SNCB: variants seen among roughly 807,000 people sequenced by gnomAD.
The protein encoded by SNCB is beta-synuclein.
SNCB carries 8 observed loss-of-function variants against 20.0 expected under a neutral mutation model. That is an observed-to-expected ratio of 0.40 (90% CI 0.24 to 0.72). The LOEUF is 0.72. SNCB is among the 30% of genes least tolerant of loss of function. The probability of loss-of-function intolerance (pLI) is 0.37; values close to 1 mark genes in which losing one functional copy is unlikely to be tolerated. For missense variants in SNCB, 125 were observed against 168.0 expected, an observed-to-expected ratio of 0.74 and a Z score of 1.41; for synonymous variants, 56 against 65.4, an observed-to-expected ratio of 0.86 and a Z score of 0.69.
chr5:176,621,331 G>A lies in SNCB; in HGVS notation c.283-28C>T. ...GTGGGCAGAAAAGGTCAGGACTCGT[G>A]AGGACAGCCAGGATGCCCCCCAAAT... On this transcript the variant is annotated intron_variant, in intron 4 of 5. Transcript: ENST00000393693. The surrounding 1 kb of genome is among the most constrained non-coding windows in gnomAD (Gnocchi z 4.1). The A allele has an allele frequency of 1.3e-6, 2 of 1,590,476 alleles. No individual in the cohort carries two copies. Among genetic ancestry groups the A allele is most frequent in the Non-Finnish European group, 8.6e-7 (1 of 1,163,294 alleles).
chr5:176,626,686 G>C lies in SNCB; in HGVS notation c.163+34C>G, dbSNP rs1196941813. 1 of 1,611,774 alleles carries C rather than the reference G, an allele frequency of 6.2e-7. No individual in the cohort carries two copies. On this transcript the variant is annotated intron_variant, in intron 3 of 5. Transcript: ENST00000393693. This position sits in a 1 kb window ranked among gnomAD's most constrained non-coding sequence, Gnocchi z 4.2. ...TCCCGGCCAGATCATCCGCCTAAGT[G>C]AGAGAAGGGCTGGTGCCAGGGCTGG...
chr5:176,626,043 A>T lies in SNCB; in HGVS notation c.282+355T>A, dbSNP rs1244440519. 6.6e-6 allele frequency among the ~76,000 whole-genome samples: 1 copy of T among 152,102 alleles called. No homozygotes were observed. Among genetic ancestry groups the T allele is most frequent in the Non-Finnish European group, 1.5e-5 (1 of 68,024 alleles). On this transcript the variant is annotated intron_variant, in intron 4 of 5. Transcript: ENST00000393693. The surrounding 1 kb of genome is among the most constrained non-coding windows in gnomAD (Gnocchi z 4.2). ...TATTCACTGCGGCAGCCTCTACAAC[A>T]ATTCCTCTCTGGCATGGATATTTGT...
At chr5:176,623,954 G>A (rs142447588) in intron 4 of SNCB, among the ~76,000 whole-genome samples, 4 of 152,314 alleles carry the variant, frequency 2.6e-5, no homozygotes, top group African/African-American at 9.6e-5. Flanking sequence ...TGAGGATTCC[G>A]TGATGATGGA....
In SNCB at chr5:176,630,269, G is replaced by GAT. The variant is rs1760302821; in HGVS notation, c.-10+10_-10+11insAT. The GAT allele has an allele frequency of 6.6e-6, 1 of 152,402 alleles. No homozygotes were observed. Among genetic ancestry groups the GAT allele is most frequent in the Non-Finnish European group, 1.5e-5 (1 of 68,190 alleles). The allele number at this position is 152,402 out of a possible 1,614,324, so 9.4% of individuals were successfully genotyped here. ...ATCCCGTTCCCCATCCCCGGCGCGC[G>GAT]GCCGCCTCACCTGGATGCGGGGCCG... On this transcript the variant is annotated intron_variant, in intron 1 of 5. Transcript: ENST00000393693.
chr5:176,622,989 G>A (rs776135911), intron 4 of SNCB, among the ~76,000 whole-genome samples: 5 of 151,698 alleles, frequency 3.3e-5, no homozygotes, highest in Non-Finnish European at 7.4e-5. Flanking sequence ...TGCCCACCTC[G>A]GCCTCATGCC....
In SNCB at chr5:176,621,309, G is replaced by A. The variant is rs914694598; in HGVS notation, c.283-6C>T. 2 of 1,611,392 alleles carry A rather than the reference G, an allele frequency of 1.2e-6. No homozygotes were observed. The highest frequency in any genetic ancestry group is 1.7e-6 in the Non-Finnish European group (2 of 1,178,724). On this transcript the variant is annotated splice_polypyrimidine_tract_variant and splice_region_variant and intron_variant, in intron 4 of 5. Transcript: ENST00000393693. The surrounding 1 kb of genome is among the most constrained non-coding windows in gnomAD (Gnocchi z 4.1). ...TCCTGGGCCACTTCCTCTGGCTGTG[G>A]GCAGAAAAGGTCAGGACTCGTGAGG...
rs1759560263 is a variant in SNCB at position 176,621,084 on chromosome 5, T to C, written c.372+130A>G. On this transcript the variant is annotated intron_variant, in intron 5 of 5. Coordinates refer to ENST00000393693, the MANE Select transcript of SNCB (RefSeq NM_003085.5). The surrounding 1 kb of genome is among the most constrained non-coding windows in gnomAD (Gnocchi z 4.1). ...CTCCCTGCTCCCACCTCCTGGGGCC[T>C]GGGTTCTAGAAGAGGGATGTCAAGC... is the stretch of plus-strand genomic sequence containing the variant. The C allele has an allele frequency of 2.4e-6, 2 of 832,600 alleles. No individual in the cohort carries two copies. The highest frequency in any genetic ancestry group is 2.6e-5 in the East Asian group (1 of 37,768). The allele number at this position is 832,600 out of a possible 1,614,324, so 51.6% of individuals were successfully genotyped here. A position where few individuals can be genotyped will look rare whatever the true frequency, so the allele number is the denominator to read the frequency against.
intron 2 of SNCB, among the ~76,000 whole-genome samples, chr5:176,627,958 G>A (rs1362600812): frequency 6.6e-6 from 1 of 152,196 alleles, no homozygotes; most frequent in Non-Finnish European, 1.5e-5. Flanking sequence ...GGGAACAGAT[G>A]GACATCAGAA....
rs1341829055 is a variant in SNCB, at chr5:176,621,713, G to A, written c.283-410C>T. 1.3e-5 allele frequency among the ~76,000 whole-genome samples: 2 copies of A among 152,224 alleles called. No homozygotes were observed. The highest frequency in any genetic ancestry group is 4.8e-5 in the African/African-American group (2 of 41,452). On this transcript the variant is annotated intron_variant, in intron 4 of 5. Transcript: ENST00000393693. The surrounding 1 kb of genome is among the most constrained non-coding windows in gnomAD (Gnocchi z 4.1). Reference sequence around the variant, plus strand: ...AGGCTCAGGGACAGGGCTGGGCAGGGGCTCTGAGCCATTCCCCCGCCACCT... The same window carrying A: ...AGGCTCAGGGACAGGGCTGGGCAGGAGCTCTGAGCCATTCCCCCGCCACCT...
At position 176,626,854 on chromosome 5, in the gene SNCB, C is replaced by A. The variant is rs1040954487; in HGVS notation, c.122-93G>T. ...GGTGATTACAGAGTGGGCATCCTGG[C>A]CCCGTCACTGCCTCCTTGGGTCCCC... On this transcript the variant is annotated intron_variant, in intron 2 of 5. Coordinates refer to ENST00000393693, the MANE Select transcript of SNCB (RefSeq NM_003085.5). The surrounding 1 kb of genome is among the most constrained non-coding windows in gnomAD (Gnocchi z 4.2). 6.6e-6 allele frequency: 9 copies of A among 1,359,078 alleles called. No individual in the cohort carries two copies. The highest frequency in any genetic ancestry group is 9.5e-6 in the Non-Finnish European group (9 of 949,382). The allele number at this position is 1,359,078 out of a possible 1,614,324, so 84.2% of individuals were successfully genotyped here.
rs761592390 is a variant in SNCB, at chr5:176,626,448, C to T, written c.232G>A (p.Ala78Thr). The T allele has an allele frequency of 1.2e-5, 19 of 1,613,854 alleles. No homozygotes were observed. Among genetic ancestry groups the T allele is most frequent in the African/African-American group, 2.7e-5 (2 of 74,868 alleles). The change falls in exon 4 of 6, where the codon GCA becomes ACA. Residue 78 changes from alanine (A) to threonine (T), a missense_variant. Transcript: ENST00000393693. This position sits in a 1 kb window ranked among gnomAD's most constrained non-coding sequence, Gnocchi z 4.2. ...GAVFSGAGNI[A>T]AATGLVKREE... ...CTCTTCACCAGTCCTGTGGCTGCTG[C>T]GATGTTCCCTGCCCCAGAGAACACA...
At chr5:176,627,850 T>C (rs973104941) in intron 2 of SNCB, among the ~76,000 whole-genome samples, 10 of 152,192 alleles carry the variant, frequency 6.6e-5, no homozygotes, top group African/African-American at 2.2e-4. Context: ...GAAGAACAGA[T>C]TCAGTTCCTG....
At chr5:176,622,602 G>A (rs1371689775) in intron 4 of SNCB, among the ~76,000 whole-genome samples, 3 of 152,222 alleles carry the variant, frequency 2.0e-5, no homozygotes, top group African/African-American at 2.4e-5. Context: ...GTGACCTAAC[G>A]ACACAATGGA....
rs773325650 is a variant in SNCB, at chr5:176,620,767, G to A, written c.*44C>T. 5.4e-6 allele frequency: 8 copies of A among 1,482,442 alleles called. No homozygotes were observed. In the South Asian group the frequency reaches 9.0e-5, roughly 17 times the overall value. 91.8% of individuals were successfully genotyped at this position (1,482,442 alleles called of 1,614,324 possible). On this transcript the variant is annotated 3_prime_UTR_variant, in exon 6 of 6. Transcript: ENST00000393693. The surrounding 1 kb of genome is among the most constrained non-coding windows in gnomAD (Gnocchi z 4.5). ...CCCTGGCTCTGGGGGGCGGGGCAGG[G>A]ACAGGGACAGAATTGTGCTGCTGGT...
intron 4 of SNCB, among the ~76,000 whole-genome samples, chr5:176,622,882 A>C (rs1759694258): frequency 6.6e-6 from 1 of 151,872 alleles, no homozygotes; most frequent in Non-Finnish European, 1.5e-5. Context: ...GATTACAGGC[A>C]TGTGCCACTG....
chr5:176,626,439 T>G lies in SNCB; in HGVS notation c.241A>C (p.Thr81Pro). The G allele has an allele frequency of 6.2e-7, 1 of 1,613,988 alleles. No individual in the cohort carries two copies. The highest frequency in any genetic ancestry group is 2.2e-5 in the East Asian group (1 of 44,884). ...AATTCCTCCCTCTTCACCAGTCCTGTGGCTGCTGCGATGTTCCCTGCCCCA... is the reference window on the plus strand; with the variant it reads ...AATTCCTCCCTCTTCACCAGTCCTGGGGCTGCTGCGATGTTCCCTGCCCCA... Reference protein sequence around the residue: ...FSGAGNIAAATGLVKREEFPT... With the variant: ...FSGAGNIAAAPGLVKREEFPT... The change falls in exon 4 of 6, where the codon ACA becomes CCA. Residue 81 changes from threonine to proline, a missense_variant. Physicochemically the swap from Thr to Pro is conservative, Grantham distance 38. Transcript: ENST00000393693. The surrounding 1 kb of genome is among the most constrained non-coding windows in gnomAD (Gnocchi z 4.2).
At position 176,620,739 on chromosome 5, in the gene SNCB, C is replaced by G. The variant is rs1271054832; in HGVS notation, c.*72G>C. ...TGATTGGGGAGAAGGAGTCTAAGGA[C>G]AGCCCTGGCTCTGGGGGGCGGGGCA... On this transcript the variant is annotated 3_prime_UTR_variant, in exon 6 of 6. Coordinates refer to ENST00000393693, the MANE Select transcript of SNCB (RefSeq NM_003085.5). The surrounding 1 kb of genome is among the most constrained non-coding windows in gnomAD (Gnocchi z 4.5). The G allele has an allele frequency of 9.6e-7, 1 of 1,039,614 alleles. No homozygotes were observed. Among genetic ancestry groups the G allele is most frequent in the Admixed American group, 1.7e-5 (1 of 59,366 alleles). The allele number at this position is 1,039,614 out of a possible 1,614,324, so 64.4% of individuals were successfully genotyped here.
chr5:176,620,837 A>T lies in SNCB; in HGVS notation c.379T>A (p.Tyr127Asn). 5 of 1,613,754 alleles carry T rather than the reference A, an allele frequency of 3.1e-6. No individual in the cohort carries two copies. The highest frequency in any genetic ancestry group is 4.2e-6 in the Non-Finnish European group (5 of 1,179,800). The change falls in exon 6 of 6, where the codon TAT (tyrosine) becomes AAT (asparagine). Residue 127 changes from tyrosine to asparagine, a missense_variant. Transcript: ENST00000393693. This position sits in a 1 kb window ranked among gnomAD's most constrained non-coding sequence, Gnocchi z 4.5. ...ESYEDPPQEEYQEYEPEA is the reference protein window; with the variant it reads ...ESYEDPPQEENQEYEPEA ...TACGCCTCTGGCTCATACTCCTGATATTCCTCCTGCATCACCGGGATGGGG... is the reference window on the plus strand; with the variant it reads ...TACGCCTCTGGCTCATACTCCTGATTTTCCTCCTGCATCACCGGGATGGGG...
chr5:176,622,564 C>T (rs1397789591), intron 4 of SNCB, among the ~76,000 whole-genome samples: 3 of 151,914 alleles, frequency 2.0e-5, no homozygotes, highest in Non-Finnish European at 4.4e-5. Context: ...CCCAAATGTC[C>T]AACATCAGTA....
Sources: allele counts gnomAD v4.1 joint callset (sites outside exome capture counted in the v4.1 genomes callset), GRCh38; gene constraint gnomAD v4.1.1; non-coding constraint Gnocchi (gnomAD v3.1); transcripts MANE v1.5; gene names NCBI Gene and HGNC (gene_info 2026-07-23, HGNC 2026-07-21).